Variants in IL6R observed in about 807,000 individuals in gnomAD.
The protein encoded by IL6R is interleukin 6 receptor, also known as interleukin-6 receptor subunit alpha.
IL6R carries 38 observed loss-of-function variants against 48.3 expected under a neutral mutation model. The observed-to-expected ratio is 0.79, with a 90% CI of 0.61 to 1.03. IL6R has a LOEUF of 1.03. Ranked by LOEUF, IL6R falls within the 50% of genes least tolerant of loss-of-function variation. The probability of loss-of-function intolerance (pLI) is 0.00; values close to 1 mark genes in which losing one functional copy is unlikely to be tolerated. For synonymous variants in IL6R, 264 were observed against 256.2 expected, an observed-to-expected ratio of 1.03 and a Z score of -0.29; for missense variants, 534 against 618.3, an observed-to-expected ratio of 0.86 and a Z score of 1.45.
chr1:154,441,141 C>G (rs567667397), intron 6 of IL6R, among the ~76,000 whole-genome samples: 4 of 152,368 alleles, frequency 2.6e-5, no homozygotes, highest in African/African-American at 9.6e-5. Flanking sequence ...AGACCTGCAT[C>G]TGCTTGGGCT....
In IL6R at chr1:154,465,552, CT is replaced by C; in HGVS notation, c.*173del. ...CCAGGGGAAAATCAGCCTGCTCCAG[CT>C]GTTCAGCTGGTTGAGGTTTCAAACC... On this transcript the variant is annotated 3_prime_UTR_variant, in exon 10 of 10. Coordinates refer to ENST00000368485, the MANE Select transcript of IL6R (RefSeq NM_000565.4). 1.4e-6 allele frequency: 1 copy of C among 693,866 alleles called. No homozygotes were observed. Among genetic ancestry groups the C allele is most frequent in the Non-Finnish European group, 2.4e-6 (1 of 417,420 alleles). 43.0% of individuals were successfully genotyped at this position (693,866 alleles called of 1,614,324 possible). A position where few individuals can be genotyped will look rare whatever the true frequency, so the allele number is the denominator to read the frequency against.
rs1220703251 is a variant in IL6R at position 154,460,664 on chromosome 1, C to T, written c.1161-4470C>T. ...AAAAGTTCCCACATCATGTGTACAGCGCCATGAAGTGTACACACCCATGTC... is the reference window on the plus strand; with the variant it reads ...AAAAGTTCCCACATCATGTGTACAGTGCCATGAAGTGTACACACCCATGTC... On this transcript the variant is annotated intron_variant, in intron 9 of 9. Transcript: ENST00000368485. 7.9e-5 allele frequency among the ~76,000 whole-genome samples: 12 copies of T among 152,242 alleles called. No individual in the cohort carries two copies. In the East Asian group the frequency reaches 1.7e-3, roughly 22 times the overall value.
At chr1:154,436,134 G>A in intron 6 of IL6R, 24 bp downstream of exon 6, 2 of 1,575,356 alleles carry the variant, frequency 1.3e-6, no homozygotes, top group Non-Finnish European at 1.7e-6. Flanking sequence ...CACTGAGAAA[G>A]GAAGGGATGT....
In IL6R at chr1:154,462,594, C is replaced by T. The variant is rs146551387; in HGVS notation, c.1161-2540C>T. On this transcript the variant is annotated intron_variant, in intron 9 of 9. Transcript: ENST00000368485. ...TTCACAATGTTGGTCAGGCTGGTCT[C>T]GAACTCCTGACCTCGTTATCTGCCC... Among the ~76,000 whole-genome samples the T allele has an allele frequency of 4.5e-3, 678 of 151,878 alleles. 13 individuals are homozygous for T. The highest frequency in any genetic ancestry group is 0.017 in the East Asian group (85 of 5,146).
At chr1:154,449,606 C>T (rs1403380101) in intron 7 of IL6R, among the ~76,000 whole-genome samples, 1 of 152,214 alleles carries the variant, frequency 6.6e-6, no homozygotes, top group South Asian at 2.1e-4. Flanking sequence ...GTACCTGCAT[C>T]CTTGCATCGG....
chr1:154,441,405 A>T (rs1031551353), intron 6 of IL6R, among the ~76,000 whole-genome samples: 13 of 152,098 alleles, frequency 8.5e-5, no homozygotes, highest in Admixed American at 7.9e-4. Context: ...GTTTCTTCTC[A>T]TGTAAGGAGC....
chr1:154,429,071 A>C lies in IL6R; in HGVS notation c.86-125A>C. The C allele has an allele frequency of 1.1e-5, 12 of 1,069,270 alleles. No individual in the cohort carries two copies. In the South Asian group the frequency reaches 1.7e-4, roughly 15 times the overall value. 66.2% of individuals were successfully genotyped at this position (1,069,270 alleles called of 1,614,324 possible). ...AGGAGAATGCTGCCCTAATCCAGGC[A>C]GAGGTGACGGTAGCCTGGGCCACTT... On this transcript the variant is annotated intron_variant, in intron 1 of 9. Coordinates refer to ENST00000368485, the MANE Select transcript of IL6R (RefSeq NM_000565.4).
intron 9 of IL6R, among the ~76,000 whole-genome samples, chr1:154,457,342 A>T (rs1690945684): frequency 6.6e-6 from 1 of 151,002 alleles, no homozygotes; most frequent in South Asian, 2.1e-4. Context: ...AAAAAAAAAA[A>T]AAGAAAAGAA....
In IL6R at chr1:154,430,490, C is replaced by A. The variant is rs143961356; in HGVS notation, c.342C>A (p.Pro114=). The change falls in exon 3 of 10, where the codon CCC becomes CCA. Residue 114 remains proline, a synonymous_variant. Transcript: ENST00000368485. ...GTVHLLVDVP[P]EEPQLSCFRK... ...GCAATGCTTTCCTTTCAGTTCCCCC[C>A]GAGGAGCCCCAGCTCTCCTGCTTCC... The A allele has an allele frequency of 2.5e-5, 40 of 1,613,498 alleles. No homozygotes were observed. The highest frequency in any genetic ancestry group is 1.7e-4 in the Middle Eastern group (1 of 5,924).
chr1:154,464,721 G>A (rs917538464), intron 9 of IL6R, among the ~76,000 whole-genome samples: 1 of 152,022 alleles, frequency 6.6e-6, no homozygotes, highest in Non-Finnish European at 1.5e-5. Flanking sequence ...CACTTTGGGA[G>A]GCCGAGGCGG....
At position 154,405,804 on chromosome 1, in the gene IL6R, G is replaced by A. The variant is rs1687674747; in HGVS notation, c.85+90G>A. 1.1e-6 allele frequency: 1 copy of A among 951,722 alleles called. No individual in the cohort carries two copies. Among genetic ancestry groups the A allele is most frequent in the East Asian group, 3.2e-5 (1 of 31,182 alleles). The allele number at this position is 951,722 out of a possible 1,614,324, so 59.0% of individuals were successfully genotyped here. A position where few individuals can be genotyped will look rare whatever the true frequency, so the allele number is the denominator to read the frequency against. On this transcript the variant is annotated intron_variant, in intron 1 of 9. Transcript: ENST00000368485. This position sits in a 1 kb window ranked among gnomAD's most constrained non-coding sequence, Gnocchi z 5.2. Reference sequence around the variant, plus strand: ...ACCGCAGTCTGTGGGAGGCTGGAGGGAGGAAAGGAGGTGCGACGGATCCCC... The same window carrying A: ...ACCGCAGTCTGTGGGAGGCTGGAGGAAGGAAAGGAGGTGCGACGGATCCCC...
chr1:154,463,846 A>G (rs187511185), intron 9 of IL6R, among the ~76,000 whole-genome samples: 120 of 152,304 alleles, frequency 7.9e-4, no homozygotes, highest in Non-Finnish European at 2.6e-4. Flanking sequence ...AAAGATGTCT[A>G]TCTCCTTCCT....
At chr1:154,446,628 GTTT>G (rs1690244320) in intron 6 of IL6R, among the ~76,000 whole-genome samples, 1 of 152,152 alleles carries the variant, frequency 6.6e-6, no homozygotes, top group South Asian at 2.1e-4. Context: ...TTGCCTTGGG[GTTT>G]CCGCAGAAAC....
At chr1:154,432,264 T>C (rs1020903384) in intron 3 of IL6R, among the ~76,000 whole-genome samples, 5 of 152,094 alleles carry the variant, frequency 3.3e-5, no homozygotes, top group African/African-American at 1.2e-4. Context: ...GCTTGTACCA[T>C]AGATAGGATT....
chr1:154,448,062 G>A, intron 6 of IL6R, 63 bp from the exon 7 acceptor site: 4 of 1,315,822 alleles, frequency 3.0e-6, no homozygotes, highest in Non-Finnish European at 4.4e-6. Context: ...TGATGCTGAA[G>A]CCCCTGAGAC....
intron 3 of IL6R, among the ~76,000 whole-genome samples, chr1:154,431,257 G>A (rs944799768): frequency 3.9e-5 from 6 of 152,130 alleles, no homozygotes; most frequent in South Asian, 2.1e-4. Context: ...AGAGGAGGTG[G>A]AAGATGCTGA....
intron 8 of IL6R, among the ~76,000 whole-genome samples, chr1:154,453,342 C>T (rs539952153): frequency 5.3e-5 from 8 of 152,376 alleles, no homozygotes; most frequent in African/African-American, 1.2e-4. Flanking sequence ...TTGCAGCCAG[C>T]GCCCGCTCAC....
intron 1 of IL6R, among the ~76,000 whole-genome samples, chr1:154,408,903 G>C (rs1687879566): frequency 6.6e-6 from 1 of 152,130 alleles, no homozygotes; most frequent in Non-Finnish European, 1.5e-5. Context: ...CCAGTACTTT[G>C]GGAGGCTGAG....
intron 9 of IL6R, among the ~76,000 whole-genome samples, chr1:154,464,055 G>A (rs1037911825): frequency 6.6e-6 from 1 of 152,076 alleles, no homozygotes. Flanking sequence ...ATTACATGGC[G>A]GTTGCAAATT....
Sources: gnomAD v4.1 joint callset for allele counts (sites outside exome capture counted in the v4.1 genomes callset) on GRCh38, gnomAD v4.1.1 for gene constraint, Gnocchi (gnomAD v3.1) non-coding constraint, MANE v1.5 for transcripts, NCBI Gene and HGNC (gene_info 2026-07-23, HGNC 2026-07-21) for gene names.